Variants in DPP10 observed in about 807,000 individuals in gnomAD.
DPP10 encodes the protein inactive dipeptidyl peptidase 10.
A neutral mutation model predicts 120.9 loss-of-function variants in DPP10; 33 were observed. The observed-to-expected ratio is 0.27, with a 90% CI of 0.21 to 0.37. The LOEUF is 0.37. Among genes scored for constraint, DPP10 ranks in the 10% least tolerant of loss-of-function variants. The pLI, the probability that DPP10 is intolerant of heterozygous loss-of-function variation, is 1.00. For synonymous variants in DPP10, 337 were observed against 326.1 expected, an observed-to-expected ratio of 1.03 and a Z score of -0.36; for missense variants, 816 against 942.8, an observed-to-expected ratio of 0.87 and a Z score of 1.76.
intron 5 of DPP10, among the ~76,000 whole-genome samples, chr2:115,557,506 C>T (rs144691807): frequency 7.2e-4 from 110 of 152,320 alleles, no homozygotes; most frequent in African/African-American, 2.5e-3. Context: ...CTGCCTTGTT[C>T]AGAGTCTTTT....
At chr2:115,379,697 T>C (rs2066138251) in intron 3 of DPP10, among the ~76,000 whole-genome samples, 1 of 152,202 alleles carries the variant, frequency 6.6e-6, no homozygotes, top group Admixed American at 6.5e-5. Flanking sequence ...TTTAGTGCTA[T>C]AAATTTCCCT....
intron 1 of DPP10, among the ~76,000 whole-genome samples, chr2:114,752,440 C>T (rs1574105817): frequency 1.3e-5 from 2 of 152,166 alleles, no homozygotes; most frequent in African/African-American, 4.8e-5. Context: ...CAGATTAGAG[C>T]CTCGAATTAA....
chr2:114,937,941 A>T (rs2104544800), intron 1 of DPP10, among the ~76,000 whole-genome samples: 1 of 152,334 alleles, frequency 6.6e-6, no homozygotes, highest in Middle Eastern at 3.4e-3. Flanking sequence ...CTCTTCATGT[A>T]TATTTCCTCC....
intron 1 of DPP10, among the ~76,000 whole-genome samples, chr2:114,921,853 T>G (rs1426307524): frequency 6.6e-6 from 1 of 152,220 alleles, no homozygotes; most frequent in Non-Finnish European, 1.5e-5. Flanking sequence ...CATGAATGAA[T>G]GAGTGAGTGC....
intron 5 of DPP10, among the ~76,000 whole-genome samples, chr2:115,663,697 C>A (rs767963135): frequency 1.5e-4 from 23 of 152,058 alleles, no homozygotes; most frequent in Non-Finnish European, 3.2e-4. Flanking sequence ...CTTCTTATAT[C>A]TACATATAAT....
At chr2:114,612,770 C>CT (rs1693380962) in intron 1 of DPP10, among the ~76,000 whole-genome samples, 1 of 152,112 alleles carries the variant, frequency 6.6e-6, no homozygotes, top group South Asian at 2.1e-4. Context: ...TTGACTGAGC[C>CT]TCCAAGATGT....
At chr2:115,415,847 A>ATT (rs1368166721) in intron 3 of DPP10, among the ~76,000 whole-genome samples, 5 of 128,600 alleles carry the variant, frequency 3.9e-5, no homozygotes, top group African/African-American at 9.4e-5. Flanking sequence ...GCTTTTATAT[A>ATT]TATATATATA....
chr2:114,789,592 C>T (rs1683072004), intron 1 of DPP10, among the ~76,000 whole-genome samples: 1 of 152,204 alleles, frequency 6.6e-6, no homozygotes, highest in South Asian at 2.1e-4. Context: ...GATTCACATG[C>T]ACCTTAGAGT....
rs536698302 is a variant in DPP10, at chr2:115,339,119, C to A, written c.176-4698C>A. On this transcript the variant is annotated intron_variant, in intron 2 of 25. Transcript: ENST00000410059. ...CAAATGCAGCATTAAACAAACACAC[C>A]AACGAAATAATTCAGTTAGAAAGTG... Among the ~76,000 whole-genome samples, 6 of 152,168 alleles carry A rather than the reference C, an allele frequency of 3.9e-5. No individual in the cohort carries two copies. In the South Asian group the frequency reaches 1.0e-3, roughly 26 times the overall value.
At chr2:115,834,700 A>C (rs1413794388) in intron 21 of DPP10, among the ~76,000 whole-genome samples, 1 of 152,188 alleles carries the variant, frequency 6.6e-6, no homozygotes, top group African/African-American at 2.4e-5. Context: ...TGCTTTCCAA[A>C]ACTTAGTTGT....
chr2:115,713,537 T>C (rs1315989451), intron 7 of DPP10, among the ~76,000 whole-genome samples: 1 of 151,988 alleles, frequency 6.6e-6, no homozygotes, highest in Admixed American at 6.6e-5. Flanking sequence ...AGGAAGGGGG[T>C]CACTAAGCCT....
chr2:115,707,053 T>C (rs1374285401), intron 7 of DPP10, among the ~76,000 whole-genome samples: 1 of 151,952 alleles, frequency 6.6e-6, no homozygotes, highest in African/African-American at 2.4e-5. Context: ...CAACGGAACA[T>C]AGAGTAAAAA....
chr2:114,543,007 T>A (rs1687074829), intron 1 of DPP10, among the ~76,000 whole-genome samples: 1 of 152,322 alleles, frequency 6.6e-6, no homozygotes, highest in Admixed American at 6.5e-5. Context: ...GCTTATCTTT[T>A]CCAAGTTAAT....
chr2:115,783,339 G>T (rs573928627), intron 17 of DPP10, among the ~76,000 whole-genome samples: 51 of 151,940 alleles, frequency 3.4e-4, no homozygotes, highest in African/African-American at 1.1e-3. Context: ...TCGAGAATAG[G>T]TTTATAATTC....
intron 1 of DPP10, among the ~76,000 whole-genome samples, chr2:115,067,861 CAAAAAA>C (rs201964006): frequency 1.2e-5 from 1 of 86,848 alleles, no homozygotes; most frequent in Admixed American, 1.4e-4. Context: ...GACTCTGTCT[CAAAAAA>C]AAAAAAAAAA....
At chr2:114,589,043 G>A (rs973041862) in intron 1 of DPP10, among the ~76,000 whole-genome samples, 3 of 150,822 alleles carry the variant, frequency 2.0e-5, no homozygotes, top group Non-Finnish European at 4.4e-5. Flanking sequence ...TTTTTGGGGG[G>A]GGGGGTAGGG....
At chr2:114,556,269 A>ATATATATATATATATATG (rs70937289) in intron 1 of DPP10, among the ~76,000 whole-genome samples, 23 of 139,448 alleles carry the variant, frequency 1.6e-4, no homozygotes, top group African/African-American at 5.6e-4. Flanking sequence ...ATATATATAT[A>ATATATATATATATATATG]GGCAAATAAT....
intron 1 of DPP10, among the ~76,000 whole-genome samples, chr2:115,082,619 T>A (rs1708365496): frequency 6.6e-6 from 1 of 152,220 alleles, no homozygotes; most frequent in Non-Finnish European, 1.5e-5. Context: ...TTGAGGTATA[T>A]CCACTCTTAC....
Position 114,596,767 on chromosome 2 carries a change from A to G in DPP10, c.60+153929A>G, listed in dbSNP as rs560583352. Among the ~76,000 whole-genome samples the G allele has an allele frequency of 3.3e-5, 5 of 152,174 alleles. No homozygotes were observed. In the South Asian group the frequency reaches 6.2e-4, roughly 19 times the overall value. On this transcript the variant is annotated intron_variant, in intron 1 of 25. Transcript: ENST00000410059. Reference sequence around the variant, plus strand: ...AGTAAAGTAACTTTCCCAAAGTTACAAAATCAGTAAGTCATGATTTGGTAC... The same window carrying G: ...AGTAAAGTAACTTTCCCAAAGTTACGAAATCAGTAAGTCATGATTTGGTAC...
Sources: gnomAD v4.1 joint callset for allele counts (sites outside exome capture counted in the v4.1 genomes callset) on GRCh38, gnomAD v4.1.1 for gene constraint, MANE v1.5 for transcripts, NCBI Gene and HGNC (gene_info 2026-07-23, HGNC 2026-07-21) for gene names.